TMEM87B: variants seen among roughly 807,000 people sequenced by gnomAD.
TMEM87B encodes the protein transmembrane protein 87B.
Under a neutral mutation model 80.3 loss-of-function variants are expected in TMEM87B, and 83 were observed. That is an observed-to-expected ratio of 1.03 (90% CI 0.87 to 1.24). The LOEUF (loss-of-function observed/expected upper bound fraction) is 1.24. Among genes scored for constraint, TMEM87B ranks in the 50% most tolerant of loss-of-function variants. The probability of loss-of-function intolerance (pLI) is 0.00; values close to 1 mark genes in which losing one functional copy is unlikely to be tolerated. For missense variants in TMEM87B, 625 were observed against 674.4 expected (o/e 0.93, Z 0.81); for synonymous variants, 219 against 230.5 (o/e 0.95, Z 0.45).
rs535140315 is a variant in TMEM87B at position 112,096,987 on chromosome 2, T to G, written c.1105-57T>G. ...TTTGGGAACATAGTAGAAGATTCTG[T>G]TTTTTTTTTTTAACCTCTTATTATT... On this transcript the variant is annotated intron_variant, in intron 11 of 18. Coordinates refer to ENST00000283206, the MANE Select transcript of TMEM87B (RefSeq NM_032824.3). 5.7e-3 allele frequency: 2,960 copies of G among 520,794 alleles called. 4 individuals are homozygous for G. The highest frequency in any genetic ancestry group is 9.6e-3 in the Middle Eastern group (16 of 1,666). 32.3% of individuals were successfully genotyped at this position (520,794 alleles called of 1,614,324 possible).
intron 2 of TMEM87B, among the ~76,000 whole-genome samples, chr2:112,062,185 C>T (rs995842671): frequency 1.3e-5 from 2 of 152,216 alleles, no homozygotes; most frequent in Non-Finnish European, 2.9e-5. Flanking sequence ...TCTGTGTTTT[C>T]ACAGAGCCAG....
At chr2:112,058,575 C>A (rs1678153580) in intron 1 of TMEM87B, among the ~76,000 whole-genome samples, 1 of 152,066 alleles carries the variant, frequency 6.6e-6, no homozygotes, top group Non-Finnish European at 1.5e-5. Flanking sequence ...CTCTTGTGGG[C>A]CCAGTATATC....
chr2:112,108,262 A>G lies in TMEM87B; in HGVS notation c.1577+422A>G, dbSNP rs116764005. The stretch of plus-strand genomic sequence containing the variant: ...GAGCTATTCAGGATCCTCTTTATCT[A>G]TGTTCTGTTTGACACAAGAATTCCA... On this transcript the variant is annotated intron_variant, in intron 17 of 18. Transcript: ENST00000283206. Among the ~76,000 whole-genome samples the G allele has an allele frequency of 8.7e-3, 1,325 of 152,242 alleles. 28 individuals are homozygous for G. Among genetic ancestry groups the G allele is most frequent in the African/African-American group, 0.03 (1,255 of 41,542 alleles).
intron 8 of TMEM87B, among the ~76,000 whole-genome samples, chr2:112,083,122 C>T (rs1039480649): frequency 6.6e-6 from 1 of 152,214 alleles, no homozygotes; most frequent in African/African-American, 2.4e-5. Flanking sequence ...GAAGCATTGA[C>T]TGTTAGGACC....
intron 11 of TMEM87B, 133 bp from the exon 12 acceptor site, chr2:112,096,911 C>A: frequency 1.6e-6 from 1 of 636,880 alleles, no homozygotes; most frequent in Non-Finnish European, 2.8e-6. Flanking sequence ...ATAACATTTT[C>A]TGTGTTTTCA....
chr2:112,055,748 G>A lies in TMEM87B; in HGVS notation c.157G>A (p.Val53Ile). The A allele has an allele frequency of 6.7e-7, 1 of 1,489,088 alleles. No homozygotes were observed. The allele number at this position is 1,489,088 out of a possible 1,614,324, so 92.2% of individuals were successfully genotyped here. ...VPELGLWLET[V>I]NDKSGPLIFR... ...TGAGCTCGGGCTCTGGTTAGAGACA[G>A]TCAACGACGTAAGTGGAGTGTCGGG... Residue 53 changes from valine (V) to isoleucine (I), a missense_variant, in exon 1 of 19, where the codon GTC (valine) becomes ATC (isoleucine). By Grantham distance (29) the Val-to-Ile change is conservative. Coordinates refer to ENST00000283206, the MANE Select transcript of TMEM87B (RefSeq NM_032824.3).
intron 8 of TMEM87B, among the ~76,000 whole-genome samples, chr2:112,084,397 C>G (rs772660700): frequency 6.6e-6 from 1 of 152,220 alleles, no homozygotes; most frequent in East Asian, 1.9e-4. Flanking sequence ...AAAACAGCTT[C>G]TCAATGCCTT....
chr2:112,076,531 G>C (rs1678822117), intron 5 of TMEM87B, among the ~76,000 whole-genome samples: 1 of 151,902 alleles, frequency 6.6e-6, no homozygotes, highest in African/African-American at 2.4e-5. Context: ...GTAGAGACAG[G>C]GTTTTGCCAC....
intron 14 of TMEM87B, among the ~76,000 whole-genome samples, chr2:112,099,578 A>G (rs1468054573): frequency 1.8e-4 from 26 of 148,278 alleles, no homozygotes; most frequent in Admixed American, 1.7e-3. Flanking sequence ...GCATATACAT[A>G]CACATACTGT....
intron 4 of TMEM87B, among the ~76,000 whole-genome samples, chr2:112,070,997 ATTT>A (rs902997004): frequency 6.9e-6 from 1 of 145,854 alleles, no homozygotes; most frequent in Non-Finnish European, 1.5e-5. Flanking sequence ...AATTTTTTGT[ATTT>A]TTTTTTAGTA....
Position 112,066,974 on chromosome 2 carries a change from C to T in TMEM87B, c.357C>T (p.Asp119=), listed in dbSNP as rs1470655635. The change falls in exon 4 of 19, where the codon GAC becomes GAT. Residue 119 remains aspartate (D), a synonymous_variant. Coordinates refer to ENST00000283206, the MANE Select transcript of TMEM87B (RefSeq NM_032824.3). Reference sequence around the variant, plus strand: ...AACATAAACTTAGTGTTGATGAAGACTTTTGTCATTATTTGAAGAATGACA... The same window carrying T: ...AACATAAACTTAGTGTTGATGAAGATTTTTGTCATTATTTGAAGAATGACA... ...FQKHKLSVDE[D]FCHYLKNDNC... is the part of the protein sequence containing the mutation. The T allele has an allele frequency of 5.6e-6, 9 of 1,610,970 alleles. No homozygotes were observed. The Admixed American group carries it at 1.3e-4, about 24-fold the overall frequency.
At chr2:112,075,039 T>C (rs1274917607) in intron 5 of TMEM87B, 77 bp downstream of exon 5, 2 of 1,509,538 alleles carry the variant, frequency 1.3e-6, no homozygotes, top group Middle Eastern at 1.8e-4. Context: ...GATGGATAGA[T>C]ACTTAGAGAG....
intron 13 of TMEM87B, among the ~76,000 whole-genome samples, chr2:112,098,012 G>A (rs996519599): frequency 3.3e-5 from 5 of 151,038 alleles, no homozygotes; most frequent in Admixed American, 1.3e-4. Context: ...GTCTCACTCC[G>A]TCAGCCAGTC....
At chr2:112,082,531 C>T (rs1679028629) in intron 8 of TMEM87B, among the ~76,000 whole-genome samples, 1 of 152,154 alleles carries the variant, frequency 6.6e-6, no homozygotes, top group Non-Finnish European at 1.5e-5. Flanking sequence ...TGCTTTCTCT[C>T]TTTTTGGGAG....
At chr2:112,067,712 C>T (rs1558830487) in intron 4 of TMEM87B, among the ~76,000 whole-genome samples, 1 of 152,196 alleles carries the variant, frequency 6.6e-6, no homozygotes, top group African/African-American at 2.4e-5. Flanking sequence ...CTCACTCTTC[C>T]TTCTGTCAAC....
chr2:112,098,038 C>T (rs1208486083), intron 13 of TMEM87B, among the ~76,000 whole-genome samples: 1 of 151,540 alleles, frequency 6.6e-6, no homozygotes, highest in Non-Finnish European at 1.5e-5. Context: ...CGCAGTGGTG[C>T]GATCTCAGCT....
chr2:112,092,138 G>A (rs1007456605), intron 11 of TMEM87B, among the ~76,000 whole-genome samples: 3 of 152,160 alleles, frequency 2.0e-5, no homozygotes, highest in Non-Finnish European at 2.9e-5. Flanking sequence ...TGTGCCAACA[G>A]GGGAAGAGAG....
chr2:112,115,984 A>G (rs1451252615), intron 18 of TMEM87B, 100 bp from the exon 19 acceptor site: 3 of 804,642 alleles, frequency 3.7e-6, no homozygotes, highest in Non-Finnish European at 6.0e-6. Flanking sequence ...GAATATATTT[A>G]GTTTCCCTAA....
intron 17 of TMEM87B, 22 bp downstream of exon 17, chr2:112,107,862 T>G: frequency 6.5e-7 from 1 of 1,531,094 alleles, no homozygotes; most frequent in Non-Finnish European, 9.0e-7. Context: ...TCTGTTACAG[T>G]TTGATTGTAA....
Sources: gnomAD v4.1 joint callset for allele counts (sites outside exome capture counted in the v4.1 genomes callset) on GRCh38, gnomAD v4.1.1 for gene constraint, MANE v1.5 for transcripts, NCBI Gene and HGNC (gene_info 2026-07-23, HGNC 2026-07-21) for gene names.